Variants in CRHR2 observed in about 807,000 individuals in gnomAD.
CRHR2 encodes the protein corticotropin-releasing hormone receptor 2.
A neutral mutation model predicts 57.9 loss-of-function variants in CRHR2; 53 were observed. That is an observed-to-expected ratio of 0.92 (90% CI 0.73 to 1.15). The LOEUF (loss-of-function observed/expected upper bound fraction) is 1.15, where lower values mean the gene tolerates loss of function less well. Among genes scored for constraint, CRHR2 ranks in the 50% most tolerant of loss-of-function variants. The pLI, the probability that CRHR2 is intolerant of heterozygous loss-of-function variation, is 0.00. For missense variants in CRHR2, 532 were observed against 542.6 expected (o/e 0.98, Z 0.19); for synonymous variants, 213 against 220.9 (o/e 0.96, Z 0.32).
intron 1 of CRHR2, among the ~76,000 whole-genome samples, chr7:30,692,766 C>T (rs992108428): frequency 3.3e-5 from 5 of 152,208 alleles, no homozygotes; most frequent in African/African-American, 7.2e-5. Context: ...TGAATCCTCA[C>T]GGCAGTCTCT....
chr7:30,683,495 C>T (rs1784791404), upstream of CRHR2, among the ~76,000 whole-genome samples: 3 of 152,164 alleles, frequency 2.0e-5, no homozygotes, highest in Admixed American at 1.3e-4. Context: ...CCAGGGCGGG[C>T]CTGCTGTGTC....
At chr7:30,667,851 A>G (rs993116270) in intron 2 of CRHR2, among the ~76,000 whole-genome samples, 1 of 152,240 alleles carries the variant, frequency 6.6e-6, no homozygotes, top group Non-Finnish European at 1.5e-5. Context: ...CCCATTTCAA[A>G]GAGGAGGAAA....
chr7:30,653,417 G>T lies in CRHR2; in HGVS notation c.*43C>A, dbSNP rs1283877568. The T allele has an allele frequency of 3.1e-6, 5 of 1,602,508 alleles. No homozygotes were observed. The East Asian group carries it at 1.1e-4, about 36-fold the overall frequency. On this transcript the variant is annotated 3_prime_UTR_variant, in exon 12 of 12. Coordinates refer to ENST00000471646, the MANE Select transcript of CRHR2 (RefSeq NM_001883.5). This position sits in a 1 kb window ranked among gnomAD's most constrained non-coding sequence, Gnocchi z 5.0. ...AGCACAGAGAACCCAGAGGAAGAAG[G>T]TGGAGGAGGACAGGGGAGCTGTGCA...
At chr7:30,698,469 A>G (rs1286774992) in intron 1 of CRHR2, among the ~76,000 whole-genome samples, 4 of 152,148 alleles carry the variant, frequency 2.6e-5, no homozygotes, top group Non-Finnish European at 5.9e-5. Context: ...GAAGGCACCT[A>G]TCTGGAAAAC....
intron 2 of CRHR2, chr7:30,688,781 T>C: frequency 2.2e-6 from 1 of 457,508 alleles, no homozygotes; most frequent in South Asian, 1.5e-5. Context: ...GGGCCAGAAC[T>C]CAGGGCCGGG....
intron 2 of CRHR2, chr7:30,688,936 C>T (rs907512310): frequency 3.3e-6 from 2 of 600,628 alleles, no homozygotes; most frequent in Non-Finnish European, 6.3e-6. Flanking sequence ...GCCCAGCTGA[C>T]TTCCATCGTG....
rs1195176208 is a variant in CRHR2 at position 30,665,755 on chromosome 7, T to A, written c.316-116A>T. 4 of 797,170 alleles carry A rather than the reference T, an allele frequency of 5.0e-6. No homozygotes were observed. Among genetic ancestry groups the A allele is most frequent in the Non-Finnish European group, 8.1e-6 (4 of 495,008 alleles). The allele number at this position is 797,170 out of a possible 1,614,324, so 49.4% of individuals were successfully genotyped here. ...ACCTTGGGGGCAGAAGTGCTCCAGG[T>A]GTCATTGCCGTGCCTGGCTCTTAGG... is the stretch of plus-strand genomic sequence containing the variant. On this transcript the variant is annotated intron_variant, in intron 3 of 11. Transcript: ENST00000471646. The surrounding 1 kb of genome is among the most constrained non-coding windows in gnomAD (Gnocchi z 4.5).
In CRHR2 at chr7:30,667,149, C is replaced by T. The variant is rs773473422; in HGVS notation, c.315+79G>A. 25 of 1,310,150 alleles carry T rather than the reference C, an allele frequency of 1.9e-5. No homozygotes were observed. In the South Asian group the frequency reaches 3.0e-4, roughly 16 times the overall value. 81.2% of individuals were successfully genotyped at this position (1,310,150 alleles called of 1,614,324 possible). ...GGGTGACAAAAGGACTGGTCTGCCC[C>T]CCTTGGGATCTTCTCTGCTCAACCT... is the stretch of plus-strand genomic sequence containing the variant. On this transcript the variant is annotated intron_variant, in intron 3 of 11. Transcript: ENST00000471646.
chr7:30,665,551 A>C lies in CRHR2; in HGVS notation c.404T>G (p.Phe135Cys), dbSNP rs1231023063. ...TCACCGCAGGGCCAGGAAAAGCAGG[A>C]AGGCGGCCACCAGGGCTGCCACAGA... The part of the protein sequence containing the change: ...CVSVAALVAA[F>C]LLFLALRSIR... Residue 135 changes from phenylalanine (F) to cysteine (C), a missense_variant, in exon 4 of 12, where the codon TTC (phenylalanine) becomes TGC (cysteine). Coordinates refer to ENST00000471646, the MANE Select transcript of CRHR2 (RefSeq NM_001883.5). The surrounding 1 kb of genome is among the most constrained non-coding windows in gnomAD (Gnocchi z 4.5). 8.3e-6 allele frequency: 13 copies of C among 1,561,552 alleles called. No homozygotes were observed. The highest frequency in any genetic ancestry group is 1.0e-5 in the Non-Finnish European group (12 of 1,152,190).
chr7:30,655,176 A>G (rs1783735189), intron 10 of CRHR2, 96 bp from the exon 11 acceptor site: 5 of 1,353,344 alleles, frequency 3.7e-6, no homozygotes, highest in Non-Finnish European at 5.1e-6. Flanking sequence ...TGGGGGGGGG[A>G]CAATTTGACC....
intron 2 of CRHR2, among the ~76,000 whole-genome samples, chr7:30,677,786 T>C (rs541755375): frequency 1.3e-5 from 2 of 152,320 alleles, no homozygotes; most frequent in East Asian, 1.9e-4. Context: ...AGACTCCAGG[T>C]TGGCCAGGTG....
rs1414971420 is a variant in CRHR2 at position 30,665,630 on chromosome 7, A to C, written c.325T>G (p.Tyr109Asp). 1 of 1,556,614 alleles carries C rather than the reference A, an allele frequency of 6.4e-7. No individual in the cohort carries two copies. ...AGGGCGATGCGGTAGTGCAGGTCAT[A>C]CTTCCTCTGCTGGACAGACAGACAT... ...EPILDDKQRK[Y>D]DLHYRIALVV... The change falls in exon 4 of 12, where the codon TAT (tyrosine) becomes GAT (aspartate). Residue 109 changes from tyrosine to aspartate, a missense_variant. Coordinates refer to ENST00000471646, the MANE Select transcript of CRHR2 (RefSeq NM_001883.5). The surrounding 1 kb of genome is among the most constrained non-coding windows in gnomAD (Gnocchi z 4.5).
intron 1 of CRHR2, chr7:30,699,776 C>G (rs1211317007): frequency 3.7e-6 from 2 of 542,612 alleles, no homozygotes; most frequent in Non-Finnish European, 6.2e-6. Flanking sequence ...AGCCACCAGG[C>G]CCTGAGACCC....
At chr7:30,696,672 C>T (rs901702094) in intron 1 of CRHR2, among the ~76,000 whole-genome samples, 3 of 151,858 alleles carry the variant, frequency 2.0e-5, no homozygotes, top group African/African-American at 7.3e-5. Flanking sequence ...TGCAGTGAGC[C>T]GAGATTGTGC....
rs1277600629 is a variant in CRHR2 at position 30,681,765 on chromosome 7, C to T, written c.229+150G>A. 4.0e-5 allele frequency: 49 copies of T among 1,211,336 alleles called. No homozygotes were observed. The East Asian group carries it at 1.3e-3, about 33-fold the overall frequency. 75.0% of individuals were successfully genotyped at this position (1,211,336 alleles called of 1,614,324 possible). ...GGGGTAGAAGCAGAAGGCGCGCCCCCAACACTGTAAGGGGTCCTTAACGCC... is the reference window on the plus strand; with the variant it reads ...GGGGTAGAAGCAGAAGGCGCGCCCCTAACACTGTAAGGGGTCCTTAACGCC... On this transcript the variant is annotated intron_variant, in intron 2 of 11. Coordinates refer to ENST00000471646, the MANE Select transcript of CRHR2 (RefSeq NM_001883.5).
chr7:30,699,932 C>G (rs1289865795), intron 1 of CRHR2: 2 of 1,508,780 alleles, frequency 1.3e-6, no homozygotes, highest in African/African-American at 2.9e-5. Context: ...GACTCCCACT[C>G]CCTGCACTTA....
Position 30,656,235 on chromosome 7 carries a change from A to C in CRHR2, c.832-223T>G, listed in dbSNP as rs1783784685. Among the ~76,000 whole-genome samples, 1 of 152,064 alleles carries C rather than the reference A, an allele frequency of 6.6e-6. No individual in the cohort carries two copies. Among genetic ancestry groups the C allele is most frequent in the African/African-American group, 2.4e-5 (1 of 41,394 alleles). On this transcript the variant is annotated intron_variant, in intron 8 of 11. Transcript: ENST00000471646. The surrounding 1 kb of genome is among the most constrained non-coding windows in gnomAD (Gnocchi z 4.4). ...TTTCCAGGGCCTGTGTCTCCAGCCC[A>C]GGACTGAGGAGGAAAGGTGGCAGCC...
chr7:30,686,545 A>T, upstream of CRHR2: 1 of 1,516,012 alleles, frequency 6.6e-7, no homozygotes, highest in Non-Finnish European at 8.8e-7. Flanking sequence ...GCAGTGGCTC[A>T]CACCCATAAT....
chr7:30,670,200 C>T (rs999881378), intron 2 of CRHR2, among the ~76,000 whole-genome samples: 1 of 152,138 alleles, frequency 6.6e-6, no homozygotes, highest in Non-Finnish European at 1.5e-5. Context: ...GTCTTCTATT[C>T]ATTTCACACA....
Sources: gnomAD v4.1 joint callset for allele counts (sites outside exome capture counted in the v4.1 genomes callset) on GRCh38, gnomAD v4.1.1 for gene constraint, Gnocchi (gnomAD v3.1) non-coding constraint, MANE v1.5 for transcripts, NCBI Gene and HGNC (gene_info 2026-07-23, HGNC 2026-07-21) for gene names.